Variants in ARHGEF7 observed in about 807,000 individuals in gnomAD.
ARHGEF7 encodes the protein PAK-interacting exchange factor beta.
In ARHGEF7, 33 loss-of-function variants were observed where a neutral mutation model predicts 109.8. That is an observed-to-expected ratio of 0.30 (90% confidence interval 0.23 to 0.40). The LOEUF (loss-of-function observed/expected upper bound fraction) is 0.40. Among genes scored for constraint, ARHGEF7 ranks in the 10% least tolerant of loss-of-function variants. The pLI is 1.00. For synonymous variants in ARHGEF7, 458 were observed against 424.6 expected (o/e 1.08, Z -0.97); for missense variants, 938 against 1,098.5 (o/e 0.85, Z 2.07).
rs554122642 is a variant in ARHGEF7, at chr13:111,141,349, C to T, written c.166-12556C>T. 1.1e-3 allele frequency among the ~76,000 whole-genome samples: 158 copies of T among 145,426 alleles called. 1 individual carries two copies. The East Asian group carries it at 0.024, about 22-fold the overall frequency. ...CCCTGGCAACTGTTGATCTTTTTAC[C>T]GTCCCCATGTTTTTTTTTTTTAAAT... On this transcript the variant is annotated intron_variant, in intron 1 of 21. Transcript: ENST00000646102.
chr13:111,293,399 T>C (rs2093347661), intron 19 of ARHGEF7: 3 of 983,646 alleles, frequency 3.0e-6, no homozygotes, highest in Non-Finnish European at 3.6e-6. Flanking sequence ...TTGAAGTTCA[T>C]TGAAGAATTA....
At chr13:111,197,445 T>G (rs2080663867) in intron 2 of ARHGEF7, among the ~76,000 whole-genome samples, 1 of 152,150 alleles carries the variant, frequency 6.6e-6, no homozygotes, top group Non-Finnish European at 1.5e-5. Context: ...AAAATCAGAT[T>G]TAATGACCCT....
intron 1 of ARHGEF7, among the ~76,000 whole-genome samples, chr13:111,138,774 T>C (rs2075207671): frequency 6.6e-6 from 1 of 152,160 alleles, no homozygotes; most frequent in Admixed American, 6.5e-5. Context: ...GAGAAAATGA[T>C]GACAATTTTG....
At chr13:111,159,194 G>A (rs780588430) in intron 2 of ARHGEF7, 38 of 650,586 alleles carry the variant, frequency 5.8e-5, no homozygotes, top group African/African-American at 3.6e-4. Flanking sequence ...TTCATTCATT[G>A]TTGTTGCAAA....
At chr13:111,276,846 G>A (rs904409157) in intron 12 of ARHGEF7, among the ~76,000 whole-genome samples, 5 of 152,184 alleles carry the variant, frequency 3.3e-5, no homozygotes, top group South Asian at 2.1e-4. Context: ...TTTTTGGGCC[G>A]TAGTTTAAAT....
At chr13:111,198,540 C>A (rs1175854674) in intron 2 of ARHGEF7, among the ~76,000 whole-genome samples, 1 of 152,150 alleles carries the variant, frequency 6.6e-6, no homozygotes, top group Non-Finnish European at 1.5e-5. Flanking sequence ...AAGCTACAGA[C>A]CTTCGCAGTG....
At chr13:111,285,412 T>C (rs1427380090) in intron 16 of ARHGEF7, among the ~76,000 whole-genome samples, 1 of 152,192 alleles carries the variant, frequency 6.6e-6, no homozygotes, top group Non-Finnish European at 1.5e-5. Context: ...TTTTTTGATA[T>C]CGGTATTTAA....
chr13:111,274,423 G>A (rs1210851490), intron 10 of ARHGEF7, among the ~76,000 whole-genome samples: 1 of 152,152 alleles, frequency 6.6e-6, no homozygotes, highest in Non-Finnish European at 1.5e-5. Flanking sequence ...TCTTCTTCAC[G>A]GCTACACAGC....
At chr13:111,297,024 A>T (rs997134483) in intron 19 of ARHGEF7, among the ~76,000 whole-genome samples, 1 of 152,208 alleles carries the variant, frequency 6.6e-6, no homozygotes, top group Admixed American at 6.5e-5. Context: ...ATTCTAGGTA[A>T]CTCAGGGAAT....
intron 16 of ARHGEF7, among the ~76,000 whole-genome samples, chr13:111,285,741 CTCTT>C (rs2092992978): frequency 6.6e-6 from 1 of 152,196 alleles, no homozygotes; most frequent in African/African-American, 2.4e-5. Flanking sequence ...GTTTCCTCCT[CTCTT>C]TCCAGTTAGC....
At chr13:111,205,030 A>C (rs1196551513) in intron 2 of ARHGEF7, among the ~76,000 whole-genome samples, 1 of 151,992 alleles carries the variant, frequency 6.6e-6, no homozygotes, top group African/African-American at 2.4e-5. Flanking sequence ...GAATGAGCTC[A>C]CACTCCAGAG....
intron 17 of ARHGEF7, 69 bp downstream of exon 17, chr13:111,286,309 A>G (rs1298518437): frequency 5.4e-6 from 7 of 1,304,522 alleles, no homozygotes; most frequent in African/African-American, 2.9e-5. Flanking sequence ...CTTTCCTGGG[A>G]TAGAGGGAGG....
chr13:111,184,144 G>A (rs1206953046), intron 2 of ARHGEF7, among the ~76,000 whole-genome samples: 1 of 152,156 alleles, frequency 6.6e-6, no homozygotes. Context: ...AGATCTGATG[G>A]TTTTATAAGG....
intron 8 of ARHGEF7, among the ~76,000 whole-genome samples, chr13:111,253,661 A>G (rs1444461283): frequency 6.6e-6 from 1 of 152,170 alleles, no homozygotes; most frequent in East Asian, 1.9e-4. Context: ...ACTGTACCCC[A>G]GAGTCTCCAC....
At chr13:111,156,876 T>C (rs2076379302) in intron 2 of ARHGEF7, among the ~76,000 whole-genome samples, 1 of 152,278 alleles carries the variant, frequency 6.6e-6, no homozygotes, top group African/African-American at 2.4e-5. Context: ...TAGTTGTAAA[T>C]GTCAAGGTGC....
intron 1 of ARHGEF7, among the ~76,000 whole-genome samples, chr13:111,121,003 T>G (rs1265735539): frequency 1.3e-5 from 2 of 151,972 alleles, no homozygotes; most frequent in Non-Finnish European, 2.9e-5. Flanking sequence ...ACAAACCAGA[T>G]CAGGAAAGGA....
At chr13:111,279,825 T>G (rs548178664) in intron 13 of ARHGEF7, among the ~76,000 whole-genome samples, 3 of 152,378 alleles carry the variant, frequency 2.0e-5, no homozygotes, top group African/African-American at 7.2e-5. Flanking sequence ...TTCTTGTTCT[T>G]GCCTCAATTT....
At chr13:111,229,241 G>A (rs890291024) in intron 5 of ARHGEF7, among the ~76,000 whole-genome samples, 40 of 152,222 alleles carry the variant, frequency 2.6e-4, no homozygotes, top group African/African-American at 8.4e-4. Flanking sequence ...CTCACTCCCT[G>A]ATTTTTCTCC....
chr13:111,202,848 T>C (rs2081354758), intron 2 of ARHGEF7, among the ~76,000 whole-genome samples: 1 of 152,226 alleles, frequency 6.6e-6, no homozygotes, highest in South Asian at 2.1e-4. Context: ...AATCGAAACA[T>C]TTTGTTGGCT....
Sources: allele counts gnomAD v4.1 joint callset (sites outside exome capture counted in the v4.1 genomes callset), GRCh38; gene constraint gnomAD v4.1.1; transcripts MANE v1.5; gene names NCBI Gene and HGNC (gene_info 2026-07-23, HGNC 2026-07-21).